Variants in BCKDHB observed in about 807,000 individuals in gnomAD.
BCKDHB encodes the protein branched chain keto acid dehydrogenase E1 subunit beta, also known as 2-oxoisovalerate dehydrogenase subunit beta, mitochondrial.
BCKDHB carries 41 observed loss-of-function variants against 48.5 expected under a neutral mutation model. The observed-to-expected ratio is 0.85, with a 90% CI of 0.66 to 1.10. The LOEUF (loss-of-function observed/expected upper bound fraction) is 1.10, where lower values mean the gene tolerates loss of function less well. BCKDHB is among the 50% of genes least tolerant of loss of function. The probability of loss-of-function intolerance (pLI) is 0.00; values close to 1 mark genes in which losing one functional copy is unlikely to be tolerated. For missense variants in BCKDHB, 496 were observed against 494.2 expected (o/e 1.00, Z -0.03); for synonymous variants, 201 against 174.8 (o/e 1.15, Z -1.18).
chr6:80,276,149 A>G (rs1777959922), intron 9 of BCKDHB, among the ~76,000 whole-genome samples: 1 of 151,990 alleles, frequency 6.6e-6, no homozygotes, highest in South Asian at 2.1e-4. Context: ...TGCAAGTTTT[A>G]TGTCAAAGGA....
At chr6:80,170,841 T>C (rs894800685) in intron 5 of BCKDHB, among the ~76,000 whole-genome samples, 72 of 152,296 alleles carry the variant, frequency 4.7e-4, no homozygotes, top group African/African-American at 1.6e-3. Flanking sequence ...ATATTTTTTT[T>C]CATGGGAAAA....
At chr6:80,284,374 GT>G (rs1766525870) in intron 9 of BCKDHB, among the ~76,000 whole-genome samples, 1 of 152,028 alleles carries the variant, frequency 6.6e-6, no homozygotes, top group African/African-American at 2.4e-5. Context: ...GTTGATAATT[GT>G]TTTGATTTTT....
At chr6:80,328,276 G>T (rs1354773851) in intron 9 of BCKDHB, among the ~76,000 whole-genome samples, 1 of 152,132 alleles carries the variant, frequency 6.6e-6, no homozygotes, top group Non-Finnish European at 1.5e-5. Flanking sequence ...TACTCTTTTA[G>T]CTACTGGAGT....
At chr6:80,274,263 A>G (rs1021404511) in intron 9 of BCKDHB, among the ~76,000 whole-genome samples, 1 of 152,070 alleles carries the variant, frequency 6.6e-6, no homozygotes, top group Non-Finnish European at 1.5e-5. Context: ...AGATCAAAGT[A>G]ATCCATAATT....
intron 3 of BCKDHB, among the ~76,000 whole-genome samples, chr6:80,148,424 G>A (rs1405729618): frequency 6.6e-6 from 1 of 151,946 alleles, no homozygotes; most frequent in Admixed American, 6.6e-5. Flanking sequence ...CTGCTTTTGG[G>A]TCCTCAAAAC....
At chr6:80,256,945 T>C (rs766538920) in intron 8 of BCKDHB, among the ~76,000 whole-genome samples, 1 of 152,232 alleles carries the variant, frequency 6.6e-6, no homozygotes, top group African/African-American at 2.4e-5. Flanking sequence ...TGTATACTTA[T>C]GGTTGTACTC....
intron 8 of BCKDHB, among the ~76,000 whole-genome samples, chr6:80,249,811 C>G (rs1049962185): frequency 4.8e-4 from 73 of 152,186 alleles, no homozygotes; most frequent in African/African-American, 1.7e-3. Context: ...ACTTAATTAC[C>G]TGCCATGGAA....
At chr6:80,400,472 CT>C in the BCKDHB span, among the ~76,000 whole-genome samples, 2 of 151,974 alleles carry the variant, frequency 1.3e-5, no homozygotes, top group Admixed American at 1.3e-4. Flanking sequence ...TATAAAAATG[CT>C]CAACATCACT....
At chr6:80,168,140 G>C (rs1272475972) in intron 4 of BCKDHB, among the ~76,000 whole-genome samples, 2 of 151,976 alleles carry the variant, frequency 1.3e-5, no homozygotes, top group African/African-American at 4.8e-5. Context: ...ACAAAAATTA[G>C]CCCAGTGTGG....
the BCKDHB span, among the ~76,000 whole-genome samples, chr6:80,456,466 C>T: frequency 6.6e-6 from 1 of 152,160 alleles, no homozygotes; most frequent in African/African-American, 2.4e-5. Context: ...TTGTTGTTAG[C>T]TGGTTGCCAC....
the BCKDHB span, among the ~76,000 whole-genome samples, chr6:80,405,152 T>C: frequency 5.9e-5 from 9 of 152,288 alleles, no homozygotes; most frequent in South Asian, 1.9e-3. Flanking sequence ...TCCCCTACTA[T>C]TATTGTATTG....
chr6:80,206,236 A>C (rs898566505), intron 8 of BCKDHB, among the ~76,000 whole-genome samples: 18 of 152,110 alleles, frequency 1.2e-4, no homozygotes, highest in Non-Finnish European at 2.2e-4. Context: ...CCCACAATAC[A>C]GCCTCTACCC....
chr6:80,220,649 G>C (rs145733867), intron 8 of BCKDHB, among the ~76,000 whole-genome samples: 4 of 151,700 alleles, frequency 2.6e-5, no homozygotes, highest in African/African-American at 9.7e-5. Flanking sequence ...TTGATTCTTG[G>C]ACATCAGTGC....
intron 1 of BCKDHB, among the ~76,000 whole-genome samples, chr6:80,126,692 A>T (rs1236490285): frequency 6.6e-6 from 1 of 152,096 alleles, no homozygotes; most frequent in Non-Finnish European, 1.5e-5. Flanking sequence ...AGAGGAGTTG[A>T]CTTAAAGTTT....
chr6:80,305,548 G>A (rs1767832364), intron 9 of BCKDHB, among the ~76,000 whole-genome samples: 1 of 151,996 alleles, frequency 6.6e-6, no homozygotes, highest in Non-Finnish European at 1.5e-5. Context: ...ACAAAATCAA[G>A]CTCTCTTTTT....
the BCKDHB span, among the ~76,000 whole-genome samples, chr6:80,362,777 A>AT: frequency 6.6e-6 from 1 of 152,216 alleles, no homozygotes; most frequent in African/African-American, 2.4e-5. Context: ...TTTAAATAAT[A>AT]TTTTTTCTCA....
chr6:80,251,132 A>T (rs1455186853), intron 8 of BCKDHB, among the ~76,000 whole-genome samples: 2 of 152,098 alleles, frequency 1.3e-5, no homozygotes, highest in Non-Finnish European at 2.9e-5. Flanking sequence ...GAAGTTGAGG[A>T]TCTTTCATTT....
intron 8 of BCKDHB, among the ~76,000 whole-genome samples, chr6:80,253,571 A>G (rs540544829): frequency 7.9e-5 from 12 of 152,186 alleles, no homozygotes; most frequent in Admixed American, 2.0e-4. Flanking sequence ...CTAGGAAAGC[A>G]TAAACTTCCA....
chr6:80,431,225 G>A, the BCKDHB span, among the ~76,000 whole-genome samples: 1 of 152,148 alleles, frequency 6.6e-6, no homozygotes, highest in African/African-American at 2.4e-5. Flanking sequence ...TTGCTGAGGA[G>A]TGTTTTACTT....
Sources: gnomAD v4.1 joint callset for allele counts (sites outside exome capture counted in the v4.1 genomes callset) on GRCh38, gnomAD v4.1.1 for gene constraint, MANE v1.5 for transcripts, NCBI Gene and HGNC (gene_info 2026-07-23, HGNC 2026-07-21) for gene names.